Variants in RIT2 observed in about 807,000 individuals in gnomAD.
RIT2 encodes the protein Ras like without CAAX 2.
Under a neutral mutation model 23.7 loss-of-function variants are expected in RIT2, and 24 were observed. The ratio of observed to expected loss-of-function variants is 1.01; its 90% CI spans 0.73 to 1.43. The LOEUF is 1.43. RIT2 is among the 40% of genes most tolerant of loss of function. The probability of loss-of-function intolerance (pLI) is 0.00; values close to 1 mark genes in which losing one functional copy is unlikely to be tolerated. For synonymous variants in RIT2, 107 were observed against 91.1 expected, an observed-to-expected ratio of 1.17 and a Z score of -0.99; for missense variants, 236 against 266.9, an observed-to-expected ratio of 0.88 and a Z score of 0.81.
chr18:42,877,227 A>G (rs1003185466), intron 4 of RIT2, among the ~76,000 whole-genome samples: 5 of 151,860 alleles, frequency 3.3e-5, no homozygotes, highest in Admixed American at 2.6e-4. Flanking sequence ...TTATAGAAAT[A>G]TATACATAAA....
chr18:42,992,372 C>T (rs1326615000), intron 2 of RIT2, among the ~76,000 whole-genome samples: 2 of 152,090 alleles, frequency 1.3e-5, no homozygotes, highest in Non-Finnish European at 2.9e-5. Context: ...GTCTGAGGTG[C>T]CTGACGTCCA....
chr18:42,811,746 G>A (rs1292532512), intron 4 of RIT2, among the ~76,000 whole-genome samples: 2 of 152,014 alleles, frequency 1.3e-5, no homozygotes, highest in East Asian at 3.8e-4. Context: ...CGTTTGCAAA[G>A]CATGACAAGG....
intron 1 of RIT2, among the ~76,000 whole-genome samples, chr18:43,042,462 G>C (rs1262660455): frequency 6.6e-6 from 1 of 152,132 alleles, no homozygotes; most frequent in Non-Finnish European, 1.5e-5. Flanking sequence ...CCCAAGGAGA[G>C]TCTTTGTTGG....
At chr18:43,095,031 T>C (rs1204016185) in intron 1 of RIT2, among the ~76,000 whole-genome samples, 2 of 152,126 alleles carry the variant, frequency 1.3e-5, no homozygotes, top group African/African-American at 4.8e-5. Flanking sequence ...TACGTGTGCA[T>C]GTGTCTTTAT....
rs72904987 is a variant in RIT2 at position 43,045,486 on chromosome 18, G to A, written c.104-11619C>T. The stretch of plus-strand genomic sequence containing the variant: ...CTAATGGGCACCAACGTATACCCGG[G>A]GCTGAAGGTTTTACTTTCATTGGTT... On this transcript the variant is annotated intron_variant, in intron 1 of 4. Transcript: ENST00000326695. 6.1e-3 allele frequency among the ~76,000 whole-genome samples: 925 copies of A among 152,208 alleles called. 8 individuals carry two copies. Among genetic ancestry groups the A allele is most frequent in the Non-Finnish European group, 9.5e-3 (644 of 67,996 alleles).
chr18:42,775,837 CAGA>C (rs771924702), intron 4 of RIT2, among the ~76,000 whole-genome samples: 3 of 150,672 alleles, frequency 2.0e-5, no homozygotes, highest in Non-Finnish European at 3.0e-5. Flanking sequence ...GTTCTGAGGG[CAGA>C]AGAAACTAAC....
At chr18:42,978,537 T>C (rs1202325782) in intron 2 of RIT2, among the ~76,000 whole-genome samples, 2 of 152,094 alleles carry the variant, frequency 1.3e-5, no homozygotes, top group African/African-American at 4.8e-5. Context: ...ATCATCTGCC[T>C]ATAGACCCAA....
intron 1 of RIT2, among the ~76,000 whole-genome samples, chr18:43,067,584 G>A (rs567235089): frequency 1.4e-3 from 212 of 152,276 alleles, no homozygotes; most frequent in Non-Finnish European, 2.6e-3. Flanking sequence ...TTTCAGATTG[G>A]CAATTAGTTG....
chr18:42,941,579 T>C (rs575526367), intron 3 of RIT2, among the ~76,000 whole-genome samples: 32 of 152,230 alleles, frequency 2.1e-4, no homozygotes, highest in African/African-American at 7.2e-4. Flanking sequence ...CTAGAGAAAG[T>C]GATAATAATC....
intron 1 of RIT2, among the ~76,000 whole-genome samples, chr18:43,050,653 G>A (rs552801199): frequency 6.6e-6 from 1 of 152,060 alleles, no homozygotes; most frequent in Non-Finnish European, 1.5e-5. Context: ...CTGCCCCAAA[G>A]CAGGACTCTA....
intron 4 of RIT2, among the ~76,000 whole-genome samples, chr18:42,850,502 C>T (rs1442683572): frequency 3.3e-5 from 5 of 151,984 alleles, no homozygotes; most frequent in East Asian, 1.9e-4. Flanking sequence ...TACATCAAGC[C>T]GACCCACTGG....
chr18:43,071,889 G>A (rs376067804), intron 1 of RIT2, among the ~76,000 whole-genome samples: 1 of 151,420 alleles, frequency 6.6e-6, no homozygotes, highest in Non-Finnish European at 1.5e-5. Context: ...ACCTTTTTTT[G>A]TTCATTTATT....
intron 4 of RIT2, among the ~76,000 whole-genome samples, chr18:42,859,865 G>A (rs1483093450): frequency 6.6e-6 from 1 of 151,704 alleles, no homozygotes; most frequent in South Asian, 2.1e-4. Context: ...CACCTTCCAG[G>A]TTCAAGAGAT....
chr18:43,031,369 C>G (rs1041227288), intron 2 of RIT2, among the ~76,000 whole-genome samples: 16 of 151,400 alleles, frequency 1.1e-4, no homozygotes, highest in Admixed American at 9.9e-4. Context: ...TTTAAGCAAG[C>G]AAATAGACCC....
At chr18:42,942,489 G>A (rs929858184) in intron 3 of RIT2, among the ~76,000 whole-genome samples, 2 of 152,068 alleles carry the variant, frequency 1.3e-5, no homozygotes, top group African/African-American at 2.4e-5. Context: ...TCGACAGTAG[G>A]TCACAAATAT....
chr18:42,778,542 A>C (rs1913732461), intron 4 of RIT2, among the ~76,000 whole-genome samples: 1 of 152,202 alleles, frequency 6.6e-6, no homozygotes, highest in Non-Finnish European at 1.5e-5. Context: ...TTTTAACAGA[A>C]AAATGATAAC....
At position 43,070,073 on chromosome 18, in the gene RIT2, T is replaced by C. The variant is rs560651587; in HGVS notation, c.104-36206A>G. Among the ~76,000 whole-genome samples, 11 of 152,268 alleles carry C rather than the reference T, an allele frequency of 7.2e-5. No homozygotes were observed. The South Asian group carries it at 2.3e-3, about 32-fold the overall frequency. On this transcript the variant is annotated intron_variant, in intron 1 of 4. Coordinates refer to ENST00000326695, the MANE Select transcript of RIT2 (RefSeq NM_002930.4). ...TGCACAAGTATATATGCCAAATGAA[T>C]GAGCAAAGCAAGGAAAGTATGTTTA...
intron 4 of RIT2, among the ~76,000 whole-genome samples, chr18:42,828,659 A>G (rs1305285304): frequency 6.6e-6 from 1 of 152,184 alleles, no homozygotes; most frequent in Non-Finnish European, 1.5e-5. Flanking sequence ...ACTTGACAGG[A>G]GACTCACCAC....
chr18:42,920,905 T>G (rs972529277), intron 4 of RIT2: 21 of 591,910 alleles, frequency 3.5e-5, no homozygotes, highest in Middle Eastern at 2.6e-4. Flanking sequence ...CTGCAAACCA[T>G]CCAGGTGTCA....
Sources: allele counts gnomAD v4.1 joint callset (sites outside exome capture counted in the v4.1 genomes callset), GRCh38; gene constraint gnomAD v4.1.1; transcripts MANE v1.5; gene names NCBI Gene and HGNC (gene_info 2026-07-23, HGNC 2026-07-21).